The following RORA variants were observed in gnomAD, a reference collection of about 807,000 sequenced individuals.
RORA encodes RAR related orphan receptor A.
A neutral mutation model predicts 69.5 loss-of-function variants in RORA; 7 were observed. The observed-to-expected ratio is 0.10, with a 90% confidence interval of 0.06 to 0.19. RORA has a LOEUF of 0.19. Ranked by LOEUF, RORA falls within the 10% of genes least tolerant of loss-of-function variation. The pLI, the probability that RORA is intolerant of heterozygous loss-of-function variation, is 1.00. For synonymous variants in RORA, 261 were observed against 240.8 expected, an observed-to-expected ratio of 1.08 and a Z score of -0.78; for missense variants, 457 against 663.0, an observed-to-expected ratio of 0.69 and a Z score of 3.41.
Position 60,977,526 on chromosome 15 carries a change from G to A in RORA, c.166+251527C>T, listed in dbSNP as rs139438845. ...GGTATACAATTCAATAGTTTTTGGTGTATTCACAGTTGTGTATGACCATCA... is the reference window on the plus strand; with the variant it reads ...GGTATACAATTCAATAGTTTTTGGTATATTCACAGTTGTGTATGACCATCA... On this transcript the variant is annotated intron_variant, in intron 1 of 10. Transcript: ENST00000335670. 4.7e-3 allele frequency among the ~76,000 whole-genome samples: 711 copies of A among 152,096 alleles called. 5 individuals are homozygous for A. The highest frequency in any genetic ancestry group is 0.016 in the African/African-American group (662 of 41,464).
At chr15:60,738,553 A>G (rs2071532650) in intron 1 of RORA, among the ~76,000 whole-genome samples, 1 of 152,272 alleles carries the variant, frequency 6.6e-6, no homozygotes, top group African/African-American at 2.4e-5. Flanking sequence ...ACTACATTTT[A>G]TGATATCGTT....
rs1567115667 is a variant in RORA, at chr15:60,597,621, TACATATATATAC to T, written c.197-65782_197-65771del. Among the ~76,000 whole-genome samples, 247 of 43,532 alleles carry T rather than the reference TACATATATATAC, an allele frequency of 5.7e-3. 2 individuals carry two copies. The highest frequency in any genetic ancestry group is 0.016 in the African/African-American group (137 of 8,652). 28.6% of individuals were successfully genotyped at this position (43,532 alleles called of 152,430 possible). ...ACATATATATATATATATATATACA[TACATATATATAC>T]ATATATATATATATATGTAAGCAAA... On this transcript the variant is annotated intron_variant, in intron 2 of 10. Transcript: ENST00000335670.
chr15:60,612,958 G>A (rs2140590303), intron 2 of RORA, among the ~76,000 whole-genome samples: 1 of 151,342 alleles, frequency 6.6e-6, no homozygotes, highest in Middle Eastern at 3.4e-3. Flanking sequence ...CAATTTTCTA[G>A]GCATTTCCTA....
chr15:60,528,975 G>C (rs1338821998), intron 3 of RORA: 1 of 152,186 alleles, frequency 6.6e-6, no homozygotes, highest in East Asian at 1.9e-4. Context: ...GGGTTGGGGA[G>C]AGGATGAACT....
At chr15:61,039,403 G>T (rs1896621084) in intron 1 of RORA, among the ~76,000 whole-genome samples, 10 of 151,950 alleles carry the variant, frequency 6.6e-5, no homozygotes, top group Admixed American at 6.6e-4. Context: ...CTGCATTATT[G>T]CTTTGTCCAT....
chr15:60,665,884 G>A (rs1232399972), intron 2 of RORA, among the ~76,000 whole-genome samples: 3 of 151,908 alleles, frequency 2.0e-5, no homozygotes, highest in South Asian at 2.1e-4. Context: ...CATGTTGGCC[G>A]GGCTGGTCTC....
At chr15:60,892,854 G>T (rs1449619755) in intron 1 of RORA, among the ~76,000 whole-genome samples, 1 of 152,250 alleles carries the variant, frequency 6.6e-6, no homozygotes, top group Non-Finnish European at 1.5e-5. Flanking sequence ...AGCCTGACAA[G>T]AAGTTGTCGC....
chr15:60,600,583 G>A (rs1351302414), intron 2 of RORA, among the ~76,000 whole-genome samples: 1 of 152,150 alleles, frequency 6.6e-6, no homozygotes, highest in Non-Finnish European at 1.5e-5. Flanking sequence ...AACAAGAATA[G>A]ATTTGGGTAT....
At chr15:60,946,559 T>C (rs1260138536) in intron 1 of RORA, among the ~76,000 whole-genome samples, 3 of 152,324 alleles carry the variant, frequency 2.0e-5, no homozygotes, top group East Asian at 3.9e-4. Flanking sequence ...CGGAGTCTCA[T>C]TCACTCAGTG....
At chr15:60,508,288 A>T (rs142919334) in intron 5 of RORA, among the ~76,000 whole-genome samples, 2 of 152,244 alleles carry the variant, frequency 1.3e-5, no homozygotes, top group Non-Finnish European at 1.5e-5. Context: ...CCCAACCATG[A>T]CTGCTTCAGC....
At chr15:61,013,236 C>T (rs1272665726) in intron 1 of RORA, among the ~76,000 whole-genome samples, 1 of 152,214 alleles carries the variant, frequency 6.6e-6, no homozygotes, top group Non-Finnish European at 1.5e-5. Flanking sequence ...AGAACCAAAT[C>T]CAGCTCGTCA....
intron 1 of RORA, among the ~76,000 whole-genome samples, chr15:60,904,221 A>C (rs981631488): frequency 2.0e-5 from 3 of 152,186 alleles, no homozygotes; most frequent in African/African-American, 7.2e-5. Context: ...CTCTCTTAAT[A>C]ACGTTTTTCT....
intron 1 of RORA, among the ~76,000 whole-genome samples, chr15:61,108,425 C>A (rs906540301): frequency 6.6e-6 from 1 of 152,144 alleles, no homozygotes; most frequent in African/African-American, 2.4e-5. Context: ...GCAAACTGAC[C>A]TGTGGGCTGA....
intron 1 of RORA, among the ~76,000 whole-genome samples, chr15:61,208,892 T>A (rs916168226): frequency 2.6e-5 from 4 of 152,230 alleles, no homozygotes; most frequent in African/African-American, 9.6e-5. Flanking sequence ...TGTGCCTGAT[T>A]CAATGACCAG....
At position 60,931,918 on chromosome 15, in the gene RORA, T is replaced by C. The variant is rs1892383912; in HGVS notation, c.167-253232A>G. Among the ~76,000 whole-genome samples the C allele has an allele frequency of 2.0e-5, 3 of 152,216 alleles. No individual in the cohort carries two copies. In the South Asian group the frequency reaches 6.2e-4, roughly 32 times the overall value. ...AGCCATGTTAAGCCATTGCCTCAAC[T>C]TGGCACTGCAGCTAAACATAATGAA... On this transcript the variant is annotated intron_variant, in intron 1 of 10. Coordinates refer to ENST00000335670, the MANE Select transcript of RORA (RefSeq NM_134261.3).
rs140805108 is a variant in RORA, at chr15:60,876,175, T to C, written c.167-197489A>G. On this transcript the variant is annotated intron_variant, in intron 1 of 10. Coordinates refer to ENST00000335670, the MANE Select transcript of RORA (RefSeq NM_134261.3). ...GCATAAATGTTCTTTCAAGGAACTT[T>C]AAGCTAATTAATTGTGAATGTGACA... Among the ~76,000 whole-genome samples the C allele has an allele frequency of 1.6e-3, 238 of 152,304 alleles. 5 individuals carry two copies. In the East Asian group the frequency reaches 0.038, roughly 24 times the overall value.
intron 1 of RORA, among the ~76,000 whole-genome samples, chr15:61,062,355 ACT>A (rs2078198635): frequency 6.6e-6 from 1 of 151,340 alleles, no homozygotes; most frequent in Non-Finnish European, 1.5e-5. Flanking sequence ...GCCACCCTCT[ACT>A]CTCTGCAGTG....
At chr15:61,189,285 A>C (rs2079773487) in intron 1 of RORA, among the ~76,000 whole-genome samples, 1 of 152,232 alleles carries the variant, frequency 6.6e-6, no homozygotes, top group Non-Finnish European at 1.5e-5. Flanking sequence ...CTTAAGGTTA[A>C]TGGTAAAATA....
At chr15:60,822,293 G>A (rs2072903350) in intron 1 of RORA, among the ~76,000 whole-genome samples, 3 of 152,122 alleles carry the variant, frequency 2.0e-5, no homozygotes. Flanking sequence ...GACTTGCCAA[G>A]GTCTCTACTT....
Sources: gnomAD v4.1 joint callset for allele counts (sites outside exome capture counted in the v4.1 genomes callset) on GRCh38, gnomAD v4.1.1 for gene constraint, MANE v1.5 for transcripts, NCBI Gene and HGNC (gene_info 2026-07-23, HGNC 2026-07-21) for gene names.